The following KAZN variants were observed in gnomAD, a reference collection of about 807,000 sequenced individuals.
KAZN encodes kazrin, periplakin interacting protein.
Under a neutral mutation model 87.4 loss-of-function variants are expected in KAZN, and 40 were observed. The observed-to-expected ratio is 0.46, with a 90% CI of 0.36 to 0.60. The LOEUF (loss-of-function observed/expected upper bound fraction) is 0.60, where lower values mean the gene tolerates loss of function less well. KAZN is among the 20% of genes least tolerant of loss of function. KAZN has a pLI of 0.00. For synonymous variants in KAZN, 466 were observed against 458.3 expected (o/e 1.02, Z -0.22); for missense variants, 898 against 1,073.9 (o/e 0.84, Z 2.29).
At chr1:14,961,180 G>A (rs529260692) in intron 2 of KAZN, among the ~76,000 whole-genome samples, 4 of 152,310 alleles carry the variant, frequency 2.6e-5, no homozygotes, top group East Asian at 1.9e-4. Context: ...CCCAGCAGCC[G>A]AGTCTCTCTT....
intron 2 of KAZN, among the ~76,000 whole-genome samples, chr1:14,233,676 C>T (rs115257784): frequency 3.3e-3 from 496 of 152,304 alleles, no homozygotes; most frequent in Non-Finnish European, 5.6e-3. Flanking sequence ...CTTAATAATG[C>T]AAATGCAGGG....
chr1:14,254,460 G>A (rs1650324953), intron 2 of KAZN, among the ~76,000 whole-genome samples: 1 of 152,154 alleles, frequency 6.6e-6, no homozygotes. Context: ...AGCCCCTAAT[G>A]GCTGATTGGA....
Position 14,176,744 on chromosome 1 carries a change from C to A in KAZN, c.92-3691C>A, listed in dbSNP as rs148594788. Among the ~76,000 whole-genome samples, 1,099 of 152,288 alleles carry A rather than the reference C, an allele frequency of 7.2e-3. 19 individuals are homozygous for A. Among genetic ancestry groups the A allele is most frequent in the African/African-American group, 0.025 (1,043 of 41,562 alleles). ...CCTCCAAGTTTGATTCTCCATGATT[C>A]AAAACCCATCTTCTATTTATTTATT... On this transcript the variant is annotated intron_variant, in intron 1 of 16. Transcript: ENST00000636203.
chr1:14,770,472 C>T (rs1002376161), intron 1 of KAZN, among the ~76,000 whole-genome samples: 1 of 152,162 alleles, frequency 6.6e-6, no homozygotes, highest in Non-Finnish European at 1.5e-5. Context: ...ATGGCTGTTT[C>T]GAGAAACTGT....
intron 2 of KAZN, among the ~76,000 whole-genome samples, chr1:14,545,494 G>A (rs79083599): frequency 0.019 from 2,876 of 152,266 alleles, 36 homozygotes; most frequent in Non-Finnish European, 0.029. Flanking sequence ...TCAGTAAAAG[G>A]AGGATAATTA....
At chr1:14,272,274 G>A (rs1439064427) in intron 2 of KAZN, among the ~76,000 whole-genome samples, 1 of 152,110 alleles carries the variant, frequency 6.6e-6, no homozygotes, top group Non-Finnish European at 1.5e-5. Context: ...GGGACCTGTG[G>A]ACTAGCCAGG....
intron 2 of KAZN, among the ~76,000 whole-genome samples, chr1:14,474,221 C>T (rs1482700345): frequency 6.6e-6 from 1 of 151,820 alleles, no homozygotes; most frequent in Admixed American, 6.6e-5. Context: ...CATGCAAATA[C>T]CTACACATAA....
chr1:14,053,075 G>T (rs1642409175), intron 1 of KAZN, among the ~76,000 whole-genome samples: 1 of 152,202 alleles, frequency 6.6e-6, no homozygotes, highest in Admixed American at 6.5e-5. Context: ...GCCACCCCGT[G>T]AGTCTGTGAT....
intron 1 of KAZN, among the ~76,000 whole-genome samples, chr1:13,953,441 C>T (rs1319191193): frequency 6.6e-6 from 1 of 152,120 alleles, no homozygotes; most frequent in Non-Finnish European, 1.5e-5. Context: ...TTTATCTTCA[C>T]CTCAAAATTG....
At chr1:14,858,037 C>T (rs543765897) in intron 1 of KAZN, among the ~76,000 whole-genome samples, 5 of 152,188 alleles carry the variant, frequency 3.3e-5, no homozygotes, top group South Asian at 2.1e-4. Flanking sequence ...GTGAATTTCA[C>T]GTAAATGGAG....
chr1:14,690,504 C>T (rs1641224352), intron 1 of KAZN, among the ~76,000 whole-genome samples: 1 of 152,114 alleles, frequency 6.6e-6, no homozygotes, highest in Non-Finnish European at 1.5e-5. Context: ...ATCGGTGGTT[C>T]ACATGACTGA....
intron 2 of KAZN, among the ~76,000 whole-genome samples, chr1:14,288,069 G>C (rs912371657): frequency 6.6e-6 from 1 of 152,200 alleles, no homozygotes; most frequent in African/African-American, 2.4e-5. Flanking sequence ...TGTGCTGCTG[G>C]ATTCAGTTTG....
At chr1:14,831,079 C>T (rs1647036024) in intron 1 of KAZN, among the ~76,000 whole-genome samples, 1 of 152,200 alleles carries the variant, frequency 6.6e-6, no homozygotes, top group South Asian at 2.1e-4. Context: ...AGGCTGGTCT[C>T]GAACTCCTGA....
rs1045641819 is a variant in KAZN at position 13,975,758 on chromosome 1, A to G, written c.91+82002A>G. On this transcript the variant is annotated intron_variant, in intron 1 of 16. Transcript: ENST00000636203. ...AGTCGGGAACACGAGTCACGTCATG[A>G]TGTTTTTTGTGGTCCTGGCACATTG... 1.4e-4 allele frequency among the ~76,000 whole-genome samples: 21 copies of G among 152,180 alleles called. 1 individual carries two copies. The highest frequency in any genetic ancestry group is 7.2e-4 in the Admixed American group (11 of 15,290).
At chr1:14,931,696 T>C (rs866278229) in intron 1 of KAZN, among the ~76,000 whole-genome samples, 3 of 152,216 alleles carry the variant, frequency 2.0e-5, no homozygotes, top group Middle Eastern at 3.4e-3. Flanking sequence ...ACCTCTGCCC[T>C]TTGCTTTCCT....
intron 8 of KAZN, among the ~76,000 whole-genome samples, chr1:15,074,592 G>C (rs556591447): frequency 1.8e-4 from 28 of 152,326 alleles, no homozygotes; most frequent in African/African-American, 5.3e-4. Context: ...TATAAGACAA[G>C]GCCAAGGCCA....
At chr1:14,570,405 C>G (rs1674793240) in intron 2 of KAZN, among the ~76,000 whole-genome samples, 1 of 152,202 alleles carries the variant, frequency 6.6e-6, no homozygotes, top group South Asian at 2.1e-4. Flanking sequence ...CTCCCAATTC[C>G]TATCCCTAGC....
chr1:15,005,559 G>A (rs1668918951), intron 2 of KAZN, among the ~76,000 whole-genome samples: 1 of 152,198 alleles, frequency 6.6e-6, no homozygotes, highest in South Asian at 2.1e-4. Context: ...GCTGAGGCAG[G>A]TGGATCGCTT....
intron 1 of KAZN, among the ~76,000 whole-genome samples, chr1:14,076,398 C>G (rs1643462792): frequency 1.3e-5 from 2 of 152,098 alleles, no homozygotes; most frequent in South Asian, 4.1e-4. Flanking sequence ...CCAGCAAATG[C>G]CAGAAGATTG....
Sources: allele counts gnomAD v4.1 joint callset (sites outside exome capture counted in the v4.1 genomes callset), GRCh38; gene constraint gnomAD v4.1.1; transcripts MANE v1.5; gene names NCBI Gene and HGNC (gene_info 2026-07-23, HGNC 2026-07-21).